The following RASAL2 variants were observed in gnomAD, a reference collection of about 807,000 sequenced individuals.
RASAL2 encodes RAS protein activator like 2, also known as ras GTPase-activating protein nGAP.
Under a neutral mutation model 128.9 loss-of-function variants are expected in RASAL2, and 58 were observed. That is an observed-to-expected ratio of 0.45 (90% CI 0.36 to 0.56). The LOEUF (loss-of-function observed/expected upper bound fraction) is 0.56. Ranked by LOEUF, RASAL2 falls within the 20% of genes least tolerant of loss-of-function variation. The pLI is 0.00. For missense variants in RASAL2, 1,360 were observed against 1,601.6 expected, an observed-to-expected ratio of 0.85 and a Z score of 2.57; for synonymous variants, 561 against 580.8, an observed-to-expected ratio of 0.97 and a Z score of 0.49.
Position 178,466,123 on chromosome 1 carries a change from G to T in RASAL2, c.3590+1G>T. The T allele has an allele frequency of 6.5e-7, 1 of 1,550,200 alleles. No homozygotes were observed. The highest frequency in any genetic ancestry group is 8.7e-7 in the Non-Finnish European group (1 of 1,147,456). On this transcript the variant is annotated splice_donor_variant, in intron 16 of 17. Coordinates refer to ENST00000367649, the MANE Select transcript of RASAL2 (RefSeq NM_170692.4). LOFTEE classifies it high-confidence loss of function. Reference sequence around the variant, plus strand: ...GCCAGATGAAAAGCATCATCAGCAGGTTAGACATCACCTGGCAGCAGATGT... The same window carrying T: ...GCCAGATGAAAAGCATCATCAGCAGTTTAGACATCACCTGGCAGCAGATGT...
At chr1:178,330,553 C>T (rs1669248078) in intron 3 of RASAL2, among the ~76,000 whole-genome samples, 1 of 152,042 alleles carries the variant, frequency 6.6e-6, no homozygotes. Flanking sequence ...GACTTTTTCA[C>T]ATAATTGTAG....
At chr1:178,272,239 A>C (rs1440167316) in intron 1 of RASAL2, among the ~76,000 whole-genome samples, 1 of 152,172 alleles carries the variant, frequency 6.6e-6, no homozygotes, top group Non-Finnish European at 1.5e-5. Flanking sequence ...ATACTCATTG[A>C]ACTTAAAAAT....
At position 178,100,656 on chromosome 1, in the gene RASAL2, G is replaced by A. The variant is rs143895859; in HGVS notation, c.202+5962G>A. ...CTTTACCAAGATTATTAAGGAAATG[G>A]TGGCAAGGTAGTGGTTTCGGATCCT... On this transcript the variant is annotated intron_variant, in intron 1 of 17. Transcript: ENST00000367649. Among the ~76,000 whole-genome samples the A allele has an allele frequency of 1.8e-4, 28 of 152,280 alleles. 1 individual carries two copies. In the East Asian group the frequency reaches 5.4e-3, roughly 29 times the overall value.
intron 5 of RASAL2, among the ~76,000 whole-genome samples, chr1:178,429,017 T>C (rs1025028228): frequency 1.3e-5 from 2 of 152,148 alleles, no homozygotes; most frequent in African/African-American, 4.8e-5. Context: ...AACAGAAATT[T>C]GAAGCTGACT....
chr1:178,150,896 A>C (rs531406532), intron 1 of RASAL2, among the ~76,000 whole-genome samples: 1 of 152,090 alleles, frequency 6.6e-6, no homozygotes, highest in African/African-American at 2.4e-5. Context: ...CCTTTTTGCT[A>C]TTTAGTGCCA....
At chr1:178,098,422 C>T (rs1658772094) in intron 1 of RASAL2, among the ~76,000 whole-genome samples, 1 of 152,322 alleles carries the variant, frequency 6.6e-6, no homozygotes, top group African/African-American at 2.4e-5. Flanking sequence ...GCTGAAAAAG[C>T]TCAGCAGCAT....
chr1:178,243,224 A>T (rs889735374), intron 1 of RASAL2, among the ~76,000 whole-genome samples: 2 of 151,940 alleles, frequency 1.3e-5, no homozygotes, highest in Non-Finnish European at 2.9e-5. Context: ...TTGCAGTACT[A>T]TTTTTGTCTG....
At chr1:178,432,924 T>G (rs527761841) in intron 5 of RASAL2, among the ~76,000 whole-genome samples, 1 of 152,208 alleles carries the variant, frequency 6.6e-6, no homozygotes, top group African/African-American at 2.4e-5. Flanking sequence ...CAAGGTAGTT[T>G]TACTGAGACA....
rs977570140 is a variant in RASAL2, at chr1:178,300,750, T to A, written c.457+632T>A. Among the ~76,000 whole-genome samples, 9 of 152,374 alleles carry A rather than the reference T, an allele frequency of 5.9e-5. No individual in the cohort carries two copies. In the East Asian group the frequency reaches 1.7e-3, roughly 29 times the overall value. On this transcript the variant is annotated intron_variant, in intron 3 of 17. Coordinates refer to ENST00000367649, the MANE Select transcript of RASAL2 (RefSeq NM_170692.4). ...CTCTTCTCCCATTCCCTACCAAATG[T>A]ATTCTGTTAAATGTTTTCATTTTTA...
At chr1:178,418,452 T>TA (rs1226705473) in intron 4 of RASAL2, among the ~76,000 whole-genome samples, 2 of 152,224 alleles carry the variant, frequency 1.3e-5, no homozygotes. Context: ...AATCTCTACA[T>TA]ACCTATAATA....
chr1:178,364,979 C>A (rs1430752542), intron 3 of RASAL2, among the ~76,000 whole-genome samples: 1 of 151,756 alleles, frequency 6.6e-6, no homozygotes, highest in African/African-American at 2.4e-5. Flanking sequence ...TAATCATTAA[C>A]GTCTTTAAAC....
chr1:178,220,004 A>T (rs1341933781), intron 1 of RASAL2, among the ~76,000 whole-genome samples: 2 of 151,860 alleles, frequency 1.3e-5, no homozygotes, highest in East Asian at 1.9e-4. Flanking sequence ...TTCACACGAG[A>T]TATTGTTGTT....
chr1:178,145,341 A>G (rs1234513370), intron 1 of RASAL2, among the ~76,000 whole-genome samples: 1 of 152,072 alleles, frequency 6.6e-6, no homozygotes, highest in Non-Finnish European at 1.5e-5. Context: ...ACCACTTTTT[A>G]TAGTAACTTA....
At chr1:178,445,814 G>A (rs1363632122) in intron 9 of RASAL2, 152 bp downstream of exon 9, 2 of 748,670 alleles carry the variant, frequency 2.7e-6, no homozygotes, top group Non-Finnish European at 4.2e-6. Context: ...TAAGAAGTCT[G>A]CAGTACTCAC....
chr1:178,126,297 T>C lies in RASAL2; in HGVS notation c.202+31603T>C, dbSNP rs566641100. 2.0e-5 allele frequency among the ~76,000 whole-genome samples: 3 copies of C among 152,280 alleles called. No individual in the cohort carries two copies. The East Asian group carries it at 5.8e-4, about 29-fold the overall frequency. On this transcript the variant is annotated intron_variant, in intron 1 of 17. Coordinates refer to ENST00000367649, the MANE Select transcript of RASAL2 (RefSeq NM_170692.4). ...GTTGCAGTGACAAGTCTCAAACACA[T>C]GTAAAGATATATAATGTATATTTTT...
chr1:178,406,409 G>T (rs1674003388), intron 4 of RASAL2, among the ~76,000 whole-genome samples: 1 of 152,182 alleles, frequency 6.6e-6, no homozygotes, highest in South Asian at 2.1e-4. Context: ...GTTTCCAGGG[G>T]CTGAGGGTGA....
intron 1 of RASAL2, among the ~76,000 whole-genome samples, chr1:178,261,507 A>G (rs1174427111): frequency 3.3e-5 from 5 of 152,156 alleles, no homozygotes; most frequent in Admixed American, 2.0e-4. Context: ...CTGAATTTTT[A>G]TATGTGAGTT....
At position 178,334,972 on chromosome 1, in the gene RASAL2, T is replaced by A. The variant is rs1005454059; in HGVS notation, c.457+34854T>A. On this transcript the variant is annotated intron_variant, in intron 3 of 17. Transcript: ENST00000367649. ...CTCTGTCTAAAATTTAAAAAAAAAA[T>A]GTATTTTAAAATATAATATTTGAAA... Among the ~76,000 whole-genome samples the A allele has an allele frequency of 4.0e-5, 6 of 151,882 alleles. No homozygotes were observed. In the South Asian group the frequency reaches 6.2e-4, roughly 16 times the overall value.
At chr1:178,436,006 G>A (rs1676232133) in intron 5 of RASAL2, among the ~76,000 whole-genome samples, 2 of 151,920 alleles carry the variant, frequency 1.3e-5, no homozygotes, top group African/African-American at 2.4e-5. Context: ...TGCCAAACAG[G>A]GCTACTAAAA....
Sources: gnomAD v4.1 joint callset for allele counts (sites outside exome capture counted in the v4.1 genomes callset) on GRCh38, gnomAD v4.1.1 for gene constraint, MANE v1.5 for transcripts, NCBI Gene and HGNC (gene_info 2026-07-23, HGNC 2026-07-21) for gene names.